Variants in STK3 observed in about 807,000 individuals in gnomAD.
The protein encoded by STK3 is serine/threonine-protein kinase 3.
STK3 carries 41 observed loss-of-function variants against 58.0 expected under a neutral mutation model. That is an observed-to-expected ratio of 0.71 (90% CI 0.55 to 0.92). STK3 has a LOEUF of 0.92. Ranked by LOEUF, STK3 falls within the 40% of genes least tolerant of loss-of-function variation. The probability of loss-of-function intolerance (pLI) is 0.00; values close to 1 mark genes in which losing one functional copy is unlikely to be tolerated. For missense variants in STK3, 479 were observed against 602.7 expected (o/e 0.79, Z 2.15); for synonymous variants, 170 against 191.0 (o/e 0.89, Z 0.91).
At chr8:98,495,050 C>A (rs1423848005) in intron 10 of STK3, among the ~76,000 whole-genome samples, 1 of 152,208 alleles carries the variant, frequency 6.6e-6, no homozygotes, top group Admixed American at 6.5e-5. Context: ...ACTTTCCAGG[C>A]TTTCCAGAAG....
intron 1 of STK3, among the ~76,000 whole-genome samples, chr8:98,919,978 C>A (rs867016086): frequency 1.3e-5 from 2 of 152,092 alleles, no homozygotes; most frequent in South Asian, 2.1e-4. Context: ...TATGCTTTTG[C>A]CTTATGAATC....
chr8:98,376,281 A>T (rs2130995259), intron 2 of STK3, among the ~76,000 whole-genome samples: 1 of 152,276 alleles, frequency 6.6e-6, no homozygotes, highest in South Asian at 2.1e-4. Context: ...TTGCTGTCTT[A>T]CTGTTGAGTT....
intron 10 of STK3, among the ~76,000 whole-genome samples, chr8:98,466,323 A>T (rs991120435): frequency 1.3e-5 from 2 of 152,180 alleles, no homozygotes; most frequent in Non-Finnish European, 2.9e-5. Flanking sequence ...TATAAACTTA[A>T]AGTAATTTAA....
chr8:98,613,492 G>T (rs1817362166), intron 6 of STK3, among the ~76,000 whole-genome samples: 1 of 151,846 alleles, frequency 6.6e-6, no homozygotes, highest in Non-Finnish European at 1.5e-5. Context: ...AAAATAGAAA[G>T]CCTCAGCTTT....
At chr8:98,587,291 T>A (rs1183677766) in intron 7 of STK3, among the ~76,000 whole-genome samples, 1 of 152,076 alleles carries the variant, frequency 6.6e-6, no homozygotes, top group African/African-American at 2.4e-5. Context: ...GATTCTGGTA[T>A]GTTGTGTCTT....
At chr8:98,810,289 A>T (rs1421496969) in intron 1 of STK3, among the ~76,000 whole-genome samples, 1 of 152,194 alleles carries the variant, frequency 6.6e-6, no homozygotes, top group Non-Finnish European at 1.5e-5. Flanking sequence ...CAGAAGTGGA[A>T]TTACTGAGTC....
chr8:98,817,355 G>A (rs757577493), intron 1 of STK3, among the ~76,000 whole-genome samples: 10 of 151,836 alleles, frequency 6.6e-5, no homozygotes, highest in Non-Finnish European at 1.5e-4. Context: ...TTGGGAGGCT[G>A]AGGCAGGAGA....
At chr8:98,587,165 T>C (rs1160826425) in intron 7 of STK3, among the ~76,000 whole-genome samples, 1 of 152,080 alleles carries the variant, frequency 6.6e-6, no homozygotes, top group Non-Finnish European at 1.5e-5. Context: ...GCTCTGGCTT[T>C]TCTAGTTCTT....
At chr8:98,771,166 T>C (rs1305102159) in intron 2 of STK3, among the ~76,000 whole-genome samples, 1 of 152,254 alleles carries the variant, frequency 6.6e-6, no homozygotes, top group Admixed American at 6.5e-5. Context: ...CTATTCTAGA[T>C]ACTTCATATA....
chr8:98,723,001 C>T, intron 4 of STK3: 1 of 379,532 alleles, frequency 2.6e-6, no homozygotes, highest in South Asian at 2.1e-5. Flanking sequence ...ATTGTGGACA[C>T]CATTGATTGG....
intron 6 of STK3, among the ~76,000 whole-genome samples, chr8:98,620,090 G>C (rs1818138543): frequency 1.4e-5 from 1 of 71,092 alleles, no homozygotes; most frequent in Admixed American, 1.8e-4. Context: ...TGATAGACTG[G>C]ATTAAGAAAA....
At chr8:98,667,275 T>A (rs1252706141) in intron 6 of STK3, among the ~76,000 whole-genome samples, 2 of 152,118 alleles carry the variant, frequency 1.3e-5, no homozygotes, top group Non-Finnish European at 2.9e-5. Context: ...AAGGATAAAA[T>A]TTTTAAAAAA....
intron 1 of STK3, among the ~76,000 whole-genome samples, chr8:98,795,727 T>C (rs1194461063): frequency 6.6e-6 from 1 of 152,080 alleles, no homozygotes. Flanking sequence ...ACCAGTAGCA[T>C]TTCTATACAC....
At chr8:98,879,877 A>G (rs1405086658), downstream of STK3, 2 of 152,224 alleles carry the variant, frequency 1.3e-5, no homozygotes, top group Admixed American at 1.3e-4. Flanking sequence ...GCAAGATAAT[A>G]AATCAATTTG....
chr8:98,811,991 G>C (rs1347956884), intron 1 of STK3, among the ~76,000 whole-genome samples: 1 of 152,110 alleles, frequency 6.6e-6, no homozygotes, highest in Admixed American at 6.6e-5. Flanking sequence ...TGTATTTGTA[G>C]TAGAGACAGG....
rs376850097 is a variant in STK3, at chr8:98,547,929, G to A, written c.1141+40C>T. 8.2e-6 allele frequency: 12 copies of A among 1,466,052 alleles called. No homozygotes were observed. The African/African-American group carries it at 8.6e-5, about 11-fold the overall frequency. 90.8% of individuals were successfully genotyped at this position (1,466,052 alleles called of 1,614,324 possible). ...CTGGTTCCTATAAAAGTATCCTTTC[G>A]AATTAGAAAACTAATATTTAATGTA... is the stretch of plus-strand genomic sequence containing the variant. On this transcript the variant is annotated intron_variant, in intron 9 of 10. Coordinates refer to ENST00000419617, the MANE Select transcript of STK3 (RefSeq NM_006281.4).
intron 7 of STK3, among the ~76,000 whole-genome samples, chr8:98,584,328 T>G (rs1814262268): frequency 6.8e-6 from 1 of 147,156 alleles, no homozygotes. Context: ...AATTCCCACC[T>G]ATGAGTGAGA....
Position 98,731,309 on chromosome 8 carries a change from T to G in STK3, c.351+17967A>C, listed in dbSNP as rs536900334. Among the ~76,000 whole-genome samples the G allele has an allele frequency of 3.3e-5, 5 of 151,970 alleles. No homozygotes were observed. In the South Asian group the frequency reaches 1.0e-3, roughly 32 times the overall value. On this transcript the variant is annotated intron_variant, in intron 4 of 10. Coordinates refer to ENST00000419617, the MANE Select transcript of STK3 (RefSeq NM_006281.4). ...TTCACGGAAGCTGTAAAGAAGAAAA[T>G]GGAACAAGAGTTGGCTCCTTGACCC... is the stretch of plus-strand genomic sequence containing the variant.
intron 1 of STK3, among the ~76,000 whole-genome samples, chr8:98,912,385 A>G (rs566461884): frequency 2.0e-5 from 3 of 150,840 alleles, no homozygotes; most frequent in Non-Finnish European, 4.4e-5. Flanking sequence ...CTCAACAACA[A>G]CAACAACAAC....
Sources: allele counts gnomAD v4.1 joint callset (sites outside exome capture counted in the v4.1 genomes callset), GRCh38; gene constraint gnomAD v4.1.1; transcripts MANE v1.5; gene names NCBI Gene and HGNC (gene_info 2026-07-23, HGNC 2026-07-21).